DDO: variants seen among roughly 807,000 people sequenced by gnomAD.
DDO encodes D-aspartate oxidase, DDO.
A neutral mutation model predicts 16.8 loss-of-function variants in DDO; 16 were observed. That is an observed-to-expected ratio of 0.95 (90% CI 0.65 to 1.45). DDO has a LOEUF of 1.45. Ranked by LOEUF, DDO falls within the 40% of genes most tolerant of loss-of-function variation. The pLI is 0.00. For missense variants in DDO, 429 were observed against 420.3 expected, an observed-to-expected ratio of 1.02 and a Z score of -0.18; for synonymous variants, 180 against 167.2, an observed-to-expected ratio of 1.08 and a Z score of -0.59.
chr6:110,403,209 A>G (rs1282805302), intron 4 of DDO, among the ~76,000 whole-genome samples: 1 of 152,076 alleles, frequency 6.6e-6, no homozygotes, highest in Non-Finnish European at 1.5e-5. Context: ...CCACTTACCT[A>G]AATTTTATTT....
At chr6:110,404,631 G>T (rs879097040) in intron 4 of DDO, 143 bp downstream of exon 4, 1 of 752,374 alleles carries the variant, frequency 1.3e-6, no homozygotes, top group Non-Finnish European at 2.2e-6. Context: ...GTTTTACAAA[G>T]CCCTAGCCAT....
Position 110,392,240 on chromosome 6 carries a change from A to G in DDO, c.*535T>C. ...GTTGCTGACTTGGCTATAACCTAAG[A>G]AGATCACAGGCAGCTCTGCAATTGA... On this transcript the variant is annotated 3_prime_UTR_variant, in exon 5 of 5. Coordinates refer to ENST00000368924, the MANE Select transcript of DDO (RefSeq NM_001372108.2). 2 of 985,470 alleles carry G rather than the reference A, an allele frequency of 2.0e-6. No homozygotes were observed. The highest frequency in any genetic ancestry group is 2.4e-6 in the Non-Finnish European group (2 of 829,956). 61.0% of individuals were successfully genotyped at this position (985,470 alleles called of 1,614,324 possible).
downstream of DDO, among the ~76,000 whole-genome samples, chr6:110,390,171 A>T (rs147944495): frequency 2.5e-3 from 381 of 152,292 alleles, 2 homozygotes; most frequent in African/African-American, 8.8e-3. Context: ...ATGCCCCAAG[A>T]TGGCGAGGAA....
At chr6:110,412,797 T>C (rs929662217) in intron 2 of DDO, among the ~76,000 whole-genome samples, 3 of 152,226 alleles carry the variant, frequency 2.0e-5, no homozygotes, top group African/African-American at 4.8e-5. Flanking sequence ...ATTTGGATGT[T>C]GTTTCTGTCC....
intron 3 of DDO, among the ~76,000 whole-genome samples, chr6:110,407,268 A>G (rs1460208074): frequency 6.6e-6 from 1 of 152,190 alleles, no homozygotes; most frequent in Non-Finnish European, 1.5e-5. Context: ...ACCGTAAATC[A>G]AAGAAAATGT....
chr6:110,401,315 G>A (rs1773478607), intron 4 of DDO, among the ~76,000 whole-genome samples: 2 of 152,120 alleles, frequency 1.3e-5, no homozygotes, highest in Admixed American at 1.3e-4. Flanking sequence ...ATTTCTTTCT[G>A]CACTAAATTC....
intron 4 of DDO, among the ~76,000 whole-genome samples, chr6:110,394,514 A>G (rs1212724032): frequency 3.9e-5 from 6 of 152,226 alleles, no homozygotes; most frequent in African/African-American, 4.8e-5. Flanking sequence ...GAAAGAGACT[A>G]TCAGCAGCTC....
intron 4 of DDO, among the ~76,000 whole-genome samples, chr6:110,398,625 A>G (rs1056056869): frequency 9.9e-5 from 15 of 152,230 alleles, no homozygotes; most frequent in Non-Finnish European, 1.9e-4. Context: ...GGTGAGCTCC[A>G]GGGCAGACAT....
intron 4 of DDO, among the ~76,000 whole-genome samples, chr6:110,394,780 A>G (rs1309886946): frequency 1.3e-5 from 2 of 152,232 alleles, no homozygotes; most frequent in Admixed American, 1.3e-4. Flanking sequence ...CAGTTTCCTC[A>G]TCTGCATCAT....
At chr6:110,391,581 T>C (rs1430169236), downstream of DDO, among the ~76,000 whole-genome samples, 3 of 152,074 alleles carry the variant, frequency 2.0e-5, no homozygotes, top group African/African-American at 7.2e-5. Flanking sequence ...GTGATCCACC[T>C]ACCTCAGCCT....
intron 2 of DDO, among the ~76,000 whole-genome samples, chr6:110,409,966 A>G (rs1773793664): frequency 6.6e-6 from 1 of 151,224 alleles, no homozygotes; most frequent in African/African-American, 2.4e-5. Flanking sequence ...CTATAGCTGG[A>G]ATGGTGAGAA....
At chr6:110,389,815 T>C (rs888676700), downstream of DDO, among the ~76,000 whole-genome samples, 1 of 152,224 alleles carries the variant, frequency 6.6e-6, no homozygotes, top group African/African-American at 2.4e-5. Context: ...GGATTATTTC[T>C]AGAGATGGCA....
rs145024693 is a variant in DDO, at chr6:110,402,274, T to C, written c.458+2500A>G. Reference sequence around the variant, plus strand: ...ATTGGCAGAATATGAATAAGGTCCATAGATTATAGTGTTGTATCAATATAA... The same window carrying C: ...ATTGGCAGAATATGAATAAGGTCCACAGATTATAGTGTTGTATCAATATAA... On this transcript the variant is annotated intron_variant, in intron 4 of 4. Transcript: ENST00000368924. Among the ~76,000 whole-genome samples, 1,018 of 152,342 alleles carry C rather than the reference T, an allele frequency of 6.7e-3. 8 individuals carry two copies. Among genetic ancestry groups the C allele is most frequent in the African/African-American group, 0.023 (975 of 41,566 alleles).
chr6:110,410,545 G>A (rs1296790558), intron 2 of DDO, among the ~76,000 whole-genome samples: 1 of 152,182 alleles, frequency 6.6e-6, no homozygotes, highest in Admixed American at 6.5e-5. Flanking sequence ...GGAAACTTAC[G>A]ATCGTGGTGG....
At chr6:110,396,240 C>T (rs1773287557) in intron 4 of DDO, among the ~76,000 whole-genome samples, 1 of 152,206 alleles carries the variant, frequency 6.6e-6, no homozygotes, top group Non-Finnish European at 1.5e-5. Flanking sequence ...TCCATCTGCT[C>T]AGTCTCTTCA....
intron 4 of DDO, among the ~76,000 whole-genome samples, chr6:110,396,691 T>TTTTG (rs57663802): frequency 0.034 from 5,204 of 150,906 alleles, 114 homozygotes; most frequent in African/African-American, 0.067. Flanking sequence ...GGAGCTACTG[T>TTTTG]TTTGTTTGTT....
At chr6:110,403,725 T>G (rs12527349) in intron 4 of DDO, among the ~76,000 whole-genome samples, 1 of 152,216 alleles carries the variant, frequency 6.6e-6, no homozygotes, top group African/African-American at 2.4e-5. Context: ...CATTCTAACC[T>G]GCATAAGTCT....
chr6:110,392,037 C>G lies in DDO; in HGVS notation c.*738G>C. 4.2e-6 allele frequency: 1 copy of G among 237,834 alleles called. No individual in the cohort carries two copies. The highest frequency in any genetic ancestry group is 6.8e-6 in the Non-Finnish European group (1 of 146,378). 14.7% of individuals were successfully genotyped at this position (237,834 alleles called of 1,614,324 possible). On this transcript the variant is annotated 3_prime_UTR_variant, in exon 5 of 5. Transcript: ENST00000368924. ...CAACCCCTAGGTGTTTGACCCCAGGCAGCTATTGAATTGATATGACATACA... is the reference window on the plus strand; with the variant it reads ...CAACCCCTAGGTGTTTGACCCCAGGGAGCTATTGAATTGATATGACATACA...
chr6:110,406,095 C>T (rs1405130834), intron 3 of DDO, among the ~76,000 whole-genome samples: 2 of 152,074 alleles, frequency 1.3e-5, no homozygotes, highest in Non-Finnish European at 2.9e-5. Context: ...GGCTAGCTTG[C>T]CCTCTTCCAT....
Sources: allele counts gnomAD v4.1 joint callset (sites outside exome capture counted in the v4.1 genomes callset), GRCh38; gene constraint gnomAD v4.1.1; transcripts MANE v1.5; gene names NCBI Gene and HGNC (gene_info 2026-07-23, HGNC 2026-07-21).